SGCZ: variants seen among roughly 807,000 people sequenced by gnomAD.
SGCZ encodes the protein sarcoglycan zeta.
In SGCZ, 40 loss-of-function variants were observed where a neutral mutation model predicts 41.3. The ratio of observed to expected loss-of-function variants is 0.97; its 90% CI spans 0.75 to 1.26. The LOEUF is 1.26. Ranked by LOEUF, SGCZ falls within the 50% of genes most tolerant of loss-of-function variation. The pLI is 0.00. For missense variants in SGCZ, 552 were observed against 369.8 expected (o/e 1.49, Z -4.04); for synonymous variants, 206 against 137.5 (o/e 1.50, Z -3.49).
At chr8:15,086,526 C>T (rs948241415) in intron 1 of SGCZ, among the ~76,000 whole-genome samples, 1 of 152,106 alleles carries the variant, frequency 6.6e-6, no homozygotes, top group Admixed American at 6.6e-5. Context: ...ATCTTCTCTT[C>T]CACAATGCAA....
At chr8:14,795,619 G>T (rs772743124) in intron 1 of SGCZ, among the ~76,000 whole-genome samples, 1 of 151,954 alleles carries the variant, frequency 6.6e-6, no homozygotes. Flanking sequence ...TGCAAATTAA[G>T]CCCTCATATT....
intron 1 of SGCZ, among the ~76,000 whole-genome samples, chr8:15,217,454 TC>T (rs1044404103): frequency 2.3e-4 from 34 of 147,268 alleles, no homozygotes; most frequent in African/African-American, 8.4e-4. Flanking sequence ...CAAAAATACC[TC>T]TTTTTTTTTT....
rs529438136 is a variant in SGCZ at position 15,237,635 on chromosome 8, A to G, written c.-12T>C. The G allele has an allele frequency of 3.5e-5, 56 of 1,581,150 alleles. 1 individual carries two copies. In the South Asian group the frequency reaches 5.2e-4, roughly 15 times the overall value. On this transcript the variant is annotated 5_prime_UTR_variant, in exon 1 of 8. Coordinates refer to ENST00000382080, the MANE Select transcript of SGCZ (RefSeq NM_139167.4). The stretch of plus-strand genomic sequence containing the variant: ...GTTGATCTGTCCATGGAGCGCAACT[A>G]AACGAAGTGGAGAGGAACCGGGCGA...
intron 1 of SGCZ, among the ~76,000 whole-genome samples, chr8:14,945,011 A>T (rs914791099): frequency 6.6e-6 from 1 of 152,086 alleles, no homozygotes; most frequent in African/African-American, 2.4e-5. Flanking sequence ...TCAGTCTTTG[A>T]ACCACAGAAG....
chr8:14,773,115 C>T (rs1364021880), intron 1 of SGCZ, among the ~76,000 whole-genome samples: 3 of 152,252 alleles, frequency 2.0e-5, no homozygotes, highest in African/African-American at 4.8e-5. Flanking sequence ...TTAATGATCA[C>T]CATTCTAACT....
chr8:14,419,448 A>T (rs1041794227), intron 2 of SGCZ, among the ~76,000 whole-genome samples: 1 of 151,822 alleles, frequency 6.6e-6, no homozygotes, highest in Non-Finnish European at 1.5e-5. Context: ...TTGTCTCATT[A>T]TACTTTTGCT....
intron 2 of SGCZ, among the ~76,000 whole-genome samples, chr8:14,505,674 A>T (rs1158417695): frequency 6.6e-6 from 1 of 152,188 alleles, no homozygotes; most frequent in Non-Finnish European, 1.5e-5. Context: ...ATAAACCAGC[A>T]GGACATGCCA....
At chr8:14,944,433 A>C (rs1800375810) in intron 1 of SGCZ, among the ~76,000 whole-genome samples, 1 of 152,212 alleles carries the variant, frequency 6.6e-6, no homozygotes, top group Non-Finnish European at 1.5e-5. Flanking sequence ...AAATGGTCAG[A>C]ATATGTGAGT....
At chr8:15,084,951 A>G (rs1351859010) in intron 1 of SGCZ, among the ~76,000 whole-genome samples, 1 of 152,194 alleles carries the variant, frequency 6.6e-6, no homozygotes, top group Non-Finnish European at 1.5e-5. Context: ...CTCCATTAGC[A>G]ATAGTCAGTA....
intron 1 of SGCZ, among the ~76,000 whole-genome samples, chr8:14,963,232 C>T (rs1801020300): frequency 1.3e-5 from 2 of 152,124 alleles, no homozygotes; most frequent in South Asian, 4.2e-4. Flanking sequence ...ATATGTGTTG[C>T]ATGAGCAAAT....
intron 1 of SGCZ, among the ~76,000 whole-genome samples, chr8:14,868,693 T>C (rs1804026006): frequency 6.6e-6 from 1 of 152,162 alleles, no homozygotes; most frequent in African/African-American, 2.4e-5. Context: ...AGAACTATAA[T>C]AAATGTAATC....
intron 1 of SGCZ, among the ~76,000 whole-genome samples, chr8:14,752,080 T>C (rs1399851623): frequency 2.1e-5 from 3 of 141,564 alleles, no homozygotes; most frequent in Non-Finnish European, 4.5e-5. Flanking sequence ...GAGAAAACTA[T>C]TTAGCAACAG....
intron 1 of SGCZ, among the ~76,000 whole-genome samples, chr8:15,152,334 G>A (rs1000863070): frequency 2.6e-5 from 4 of 152,236 alleles, no homozygotes; most frequent in African/African-American, 9.6e-5. Context: ...GTTTCAAGCT[G>A]AGAAGAATCT....
chr8:14,113,396 TA>T (rs1563134286), intron 5 of SGCZ, among the ~76,000 whole-genome samples: 1 of 152,140 alleles, frequency 6.6e-6, no homozygotes, highest in Non-Finnish European at 1.5e-5. Flanking sequence ...TTTATATTTT[TA>T]ATTATAACAG....
At chr8:14,569,607 G>A (rs1804488310) in intron 1 of SGCZ, among the ~76,000 whole-genome samples, 1 of 152,172 alleles carries the variant, frequency 6.6e-6, no homozygotes, top group African/African-American at 2.4e-5. Context: ...TTCTCTTGAT[G>A]GACACAGACA....
chr8:14,175,368 A>G (rs1321309256), intron 4 of SGCZ, among the ~76,000 whole-genome samples: 1 of 152,136 alleles, frequency 6.6e-6, no homozygotes, highest in Admixed American at 6.6e-5. Context: ...ATTATAGTGG[A>G]AAAATATGAG....
chr8:15,115,311 C>T (rs4451316), intron 1 of SGCZ, among the ~76,000 whole-genome samples: 21,680 of 152,074 alleles, frequency 0.14, 2,015 homozygotes, highest in Non-Finnish European at 0.21. Flanking sequence ...ACTTCTGGCA[C>T]ATGTAATTTG....
chr8:14,808,062 C>T (rs1249712706), intron 1 of SGCZ, among the ~76,000 whole-genome samples: 2 of 152,016 alleles, frequency 1.3e-5, no homozygotes, highest in Non-Finnish European at 2.9e-5. Flanking sequence ...CTTCCTTACA[C>T]CTTATACAAA....
At chr8:14,524,498 GTCCCAGTCAGCCTCC>G (rs1282380032) in intron 2 of SGCZ, among the ~76,000 whole-genome samples, 1 of 152,092 alleles carries the variant, frequency 6.6e-6, no homozygotes, top group African/African-American at 2.4e-5. Context: ...AAGAAAGAAA[GTCCCAGTCAGCCTCC>G]TACTCAGTCC....
Sources: gnomAD v4.1 joint callset for allele counts (sites outside exome capture counted in the v4.1 genomes callset) on GRCh38, gnomAD v4.1.1 for gene constraint, MANE v1.5 for transcripts, NCBI Gene and HGNC (gene_info 2026-07-23, HGNC 2026-07-21) for gene names.